The following PDXDC1 variants were observed in gnomAD, a reference collection of about 807,000 sequenced individuals.
PDXDC1 encodes the protein pyridoxal-dependent decarboxylase domain-containing protein 1.
PDXDC1 carries 42 observed loss-of-function variants against 100.1 expected under a neutral mutation model. That is an observed-to-expected ratio of 0.42 (90% CI 0.33 to 0.54). The LOEUF is 0.54. Among genes scored for constraint, PDXDC1 ranks in the 20% least tolerant of loss-of-function variants. The pLI, the probability that PDXDC1 is intolerant of heterozygous loss-of-function variation, is 0.10. For missense variants in PDXDC1, 636 were observed against 979.2 expected (o/e 0.65, Z 4.68); for synonymous variants, 260 against 371.7 (o/e 0.70, Z 3.46).
At chr16:15,103,028 A>C (rs2046617206) in intron 16 of PDXDC1, 10 of 340,232 alleles carry the variant, frequency 2.9e-5, no homozygotes, top group Middle Eastern at 1.0e-3. Context: ...GGATCGCTTG[A>C]GCCCAGGAGT....
In PDXDC1 at chr16:14,989,859, T is replaced by C. The variant is rs527664912; in HGVS notation, c.22-7894T>C. 3.2e-6 allele frequency: 5 copies of C among 1,542,198 alleles called. No individual in the cohort carries two copies. The African/African-American group carries it at 5.5e-5, about 17-fold the overall frequency. The stretch of plus-strand genomic sequence containing the variant: ...CACCCACAGCCGATTGGCAGCCACG[T>C]CCAGGGCCAGGAAGCCGTTGGCCAC... On this transcript the variant is annotated intron_variant, in intron 1 of 22. Coordinates refer to ENST00000396410, the MANE Select transcript of PDXDC1 (RefSeq NM_015027.4).
chr16:15,000,125 C>T (rs1473111903), intron 3 of PDXDC1, among the ~76,000 whole-genome samples: 1 of 152,282 alleles, frequency 6.6e-6, no homozygotes, highest in East Asian at 1.9e-4. Flanking sequence ...TCATTCCAGG[C>T]CTACTGATGG....
intron 16 of PDXDC1, among the ~76,000 whole-genome samples, chr16:15,128,642 C>A (rs1033721195): frequency 3.9e-5 from 6 of 151,948 alleles, no homozygotes; most frequent in Admixed American, 3.3e-4. Context: ...GCTGCACACG[C>A]CTCAGTCCAC....
chr16:15,122,859 G>A (rs1200567533), intron 16 of PDXDC1, among the ~76,000 whole-genome samples: 1 of 132,708 alleles, frequency 7.5e-6, no homozygotes. Context: ...GAGGGGAAGG[G>A]GGGAGTAAGG....
At chr16:15,095,858 AAAG>A (rs1347197021) in intron 16 of PDXDC1, among the ~76,000 whole-genome samples, 8 of 118,682 alleles carry the variant, frequency 6.7e-5, no homozygotes, top group African/African-American at 2.3e-4. Flanking sequence ...CAAAAAAAAA[AAAG>A]GTGTGTGTGT....
intron 16 of PDXDC1, chr16:15,047,236 C>T: frequency 1.8e-6 from 1 of 557,346 alleles, no homozygotes; most frequent in East Asian, 2.9e-5. Context: ...AAATCCAGCA[C>T]AGACTCCTTG....
intron 11 of PDXDC1, 90 bp downstream of exon 11, chr16:15,017,512 T>G: frequency 2.4e-6 from 2 of 827,972 alleles, no homozygotes; most frequent in Non-Finnish European, 4.0e-6. Flanking sequence ...CAGGAAAAAG[T>G]GAAAAATACC....
chr16:15,077,767 G>C (rs993903438), intron 16 of PDXDC1, among the ~76,000 whole-genome samples: 3 of 152,234 alleles, frequency 2.0e-5, no homozygotes, highest in Admixed American at 1.3e-4. Flanking sequence ...CTTGAACCCC[G>C]GAGGTGGAGG....
At chr16:15,058,991 A>T (rs1166730841) in intron 16 of PDXDC1, among the ~76,000 whole-genome samples, 3 of 152,204 alleles carry the variant, frequency 2.0e-5, no homozygotes, top group South Asian at 4.1e-4. Flanking sequence ...ACTGAAACAC[A>T]CAAAAGCATT....
intron 3 of PDXDC1, among the ~76,000 whole-genome samples, chr16:15,000,775 T>C (rs1972970654): frequency 6.6e-6 from 1 of 151,936 alleles, no homozygotes; most frequent in Non-Finnish European, 1.5e-5. Context: ...GAAGCTTGCA[T>C]TGTTAGAGGC....
At chr16:15,078,320 C>T (rs1437166733) in intron 16 of PDXDC1, among the ~76,000 whole-genome samples, 1 of 152,138 alleles carries the variant, frequency 6.6e-6, no homozygotes, top group Non-Finnish European at 1.5e-5. Context: ...CACAAACCTG[C>T]TCACGTCTCT....
intron 12 of PDXDC1, 102 bp from the exon 13 acceptor site, chr16:15,022,582 ACCAAGTGGCAGGTGACTTTG>A: frequency 1.3e-6 from 1 of 787,402 alleles, no homozygotes; most frequent in Non-Finnish European, 2.0e-6. Context: ...CTTAGAAACC[ACCAAGTGGCAGGTGACTTTG>A]CCTGACATCC....
the PDXDC1 span, among the ~76,000 whole-genome samples, chr16:15,147,255 G>A: frequency 6.6e-6 from 1 of 152,174 alleles, no homozygotes; most frequent in South Asian, 2.1e-4. Context: ...ATCCCAGCCC[G>A]ACTCGGAAGC....
At chr16:15,010,128 T>C (rs1319347481) in intron 8 of PDXDC1, among the ~76,000 whole-genome samples, 1 of 152,288 alleles carries the variant, frequency 6.6e-6, no homozygotes, top group African/African-American at 2.4e-5. Context: ...CTCACTGCAA[T>C]CTCTGCCTCC....
At chr16:15,090,831 G>A (rs1421885759) in intron 16 of PDXDC1, among the ~76,000 whole-genome samples, 1 of 150,490 alleles carries the variant, frequency 6.6e-6, no homozygotes, top group Non-Finnish European at 1.5e-5. Flanking sequence ...TTTACTACAT[G>A]ATAGGTGTAT....
At chr16:15,071,346 A>G (rs1434342819) in intron 16 of PDXDC1, 1 of 1,145,970 alleles carries the variant, frequency 8.7e-7, no homozygotes, top group Non-Finnish European at 1.2e-6. Flanking sequence ...AATGTAGGGA[A>G]AAGTTCTACT....
chr16:15,104,401 CTTGGGAGGTGT>C (rs2046688104), intron 16 of PDXDC1: 1 of 1,592,530 alleles, frequency 6.3e-7, no homozygotes, highest in Admixed American at 1.7e-5. Flanking sequence ...AGCAGACACA[CTTGGGAGGTGT>C]CTTGAGATTA....
intron 17 of PDXDC1, 37 bp downstream of exon 17, chr16:15,031,943 T>C (rs1323097335): frequency 3.3e-6 from 5 of 1,538,194 alleles, no homozygotes; most frequent in Non-Finnish European, 4.4e-6. Flanking sequence ...TTGGAGACTT[T>C]TCTGTATAAA....
downstream of PDXDC1, chr16:15,039,818 G>C: frequency 1.7e-6 from 1 of 596,768 alleles, no homozygotes; most frequent in Non-Finnish European, 3.0e-6. Context: ...AGCAAGTGTG[G>C]GGAGGGGTAT....
Sources: gnomAD v4.1 joint callset for allele counts (sites outside exome capture counted in the v4.1 genomes callset) on GRCh38, gnomAD v4.1.1 for gene constraint, MANE v1.5 for transcripts, NCBI Gene and HGNC (gene_info 2026-07-23, HGNC 2026-07-21) for gene names.